The following SLC9A9 variants were observed in gnomAD, a reference collection of about 807,000 sequenced individuals.
SLC9A9 encodes sodium/hydrogen exchanger 9.
SLC9A9 carries 62 observed loss-of-function variants against 77.8 expected under a neutral mutation model. That is an observed-to-expected ratio of 0.80 (90% CI 0.65 to 0.98). SLC9A9 has a LOEUF of 0.98. Among genes scored for constraint, SLC9A9 ranks in the 50% least tolerant of loss-of-function variants. The probability of loss-of-function intolerance (pLI) is 0.00; values close to 1 mark genes in which losing one functional copy is unlikely to be tolerated. For missense variants in SLC9A9, 775 were observed against 774.9 expected, an observed-to-expected ratio of 1.00 and a Z score of 0.00; for synonymous variants, 320 against 283.5, an observed-to-expected ratio of 1.13 and a Z score of -1.29.
intron 1 of SLC9A9, among the ~76,000 whole-genome samples, chr3:143,842,007 G>A (rs140247000): frequency 0.01 from 1,564 of 152,202 alleles, 25 homozygotes; most frequent in African/African-American, 0.035. Context: ...CACTTGCCTC[G>A]GCCTCCCAAA....
intron 12 of SLC9A9, among the ~76,000 whole-genome samples, chr3:143,450,109 A>G (rs1481238383): frequency 1.6e-5 from 2 of 122,338 alleles, no homozygotes; most frequent in Admixed American, 1.0e-4. Flanking sequence ...TAATATACAT[A>G]TTATATTATA....
intron 9 of SLC9A9, among the ~76,000 whole-genome samples, chr3:143,522,636 A>G (rs977584158): frequency 4.6e-5 from 7 of 152,136 alleles, no homozygotes; most frequent in African/African-American, 9.6e-5. Flanking sequence ...CCCACCAAAT[A>G]TAAATAAACC....
chr3:143,817,633 T>C (rs928430128), intron 2 of SLC9A9, among the ~76,000 whole-genome samples: 4 of 152,222 alleles, frequency 2.6e-5, no homozygotes, highest in South Asian at 2.1e-4. Context: ...AGATGTGAGA[T>C]AGGGATCTAA....
chr3:143,573,772 CTCTCAATGAA>C (rs2037309378), intron 8 of SLC9A9, among the ~76,000 whole-genome samples: 9 of 152,184 alleles, frequency 5.9e-5, no homozygotes, highest in Middle Eastern at 3.2e-3. Context: ...TCCTTTCACA[CTCTCAATGAA>C]GACTTCCATT....
intron 5 of SLC9A9, among the ~76,000 whole-genome samples, chr3:143,664,622 G>A (rs1254778778): frequency 2.0e-5 from 3 of 152,150 alleles, no homozygotes; most frequent in Non-Finnish European, 2.9e-5. Context: ...TCAAAATAAA[G>A]GGATGGAGGA....
intron 14 of SLC9A9, among the ~76,000 whole-genome samples, chr3:143,352,750 A>G (rs1203093288): frequency 6.6e-6 from 1 of 152,244 alleles, no homozygotes; most frequent in African/African-American, 2.4e-5. Flanking sequence ...AATAGTTTTC[A>G]AAGTAGAATG....
At chr3:143,393,897 C>T (rs1325882232) in intron 12 of SLC9A9, among the ~76,000 whole-genome samples, 1 of 151,968 alleles carries the variant, frequency 6.6e-6, no homozygotes, top group Admixed American at 6.6e-5. Context: ...CAAGACTAAA[C>T]CAGGAAGAAG....
intron 7 of SLC9A9, among the ~76,000 whole-genome samples, chr3:143,575,501 A>T (rs1220247754): frequency 2.6e-5 from 4 of 152,174 alleles, no homozygotes; most frequent in Non-Finnish European, 5.9e-5. Flanking sequence ...TGTGGTCTAA[A>T]TTAATTTTTG....
rs562984106 is a variant in SLC9A9, at chr3:143,581,016, C to T, written c.756-2293G>A. Among the ~76,000 whole-genome samples, 8 of 152,308 alleles carry T rather than the reference C, an allele frequency of 5.3e-5. No homozygotes were observed. In the South Asian group the frequency reaches 6.2e-4, roughly 12 times the overall value. On this transcript the variant is annotated intron_variant, in intron 6 of 15. Coordinates refer to ENST00000316549, the MANE Select transcript of SLC9A9 (RefSeq NM_173653.4). Reference sequence around the variant, plus strand: ...CACCTGATATATGCAAAGCATAACTCGGCAGGGAAGCCTAAAATGTAAATG... The same window carrying T: ...CACCTGATATATGCAAAGCATAACTTGGCAGGGAAGCCTAAAATGTAAATG...
At chr3:143,692,141 C>T (rs1933490234) in intron 5 of SLC9A9, among the ~76,000 whole-genome samples, 1 of 151,884 alleles carries the variant, frequency 6.6e-6, no homozygotes, top group Non-Finnish European at 1.5e-5. Flanking sequence ...TTCGATTCAA[C>T]CACAAGACAA....
chr3:143,395,541 A>G (rs1021405394), intron 12 of SLC9A9, among the ~76,000 whole-genome samples: 7 of 152,244 alleles, frequency 4.6e-5, no homozygotes, highest in Non-Finnish European at 7.3e-5. Context: ...GGCATGGGCA[A>G]GGACTTCATG....
rs2034614099 is a variant in SLC9A9 at position 143,435,942 on chromosome 3, A to T, written c.1469+31095T>A. Among the ~76,000 whole-genome samples, 6 of 152,348 alleles carry T rather than the reference A, an allele frequency of 3.9e-5. No individual in the cohort carries two copies. In the South Asian group the frequency reaches 1.2e-3, roughly 32 times the overall value. The stretch of plus-strand genomic sequence containing the variant: ...TGCAGGGGCTGCCTGGGCCAGTGAC[A>T]GAACTAGGAGAAATCATGTAGAAAG... On this transcript the variant is annotated intron_variant, in intron 12 of 15. Transcript: ENST00000316549.
At chr3:143,543,002 T>A (rs1178602573) in intron 9 of SLC9A9, among the ~76,000 whole-genome samples, 2 of 152,216 alleles carry the variant, frequency 1.3e-5, no homozygotes, top group African/African-American at 4.8e-5. Flanking sequence ...GTCCTGGAAG[T>A]CACTTACCAT....
chr3:143,723,862 A>C (rs76439013), intron 4 of SLC9A9, among the ~76,000 whole-genome samples: 1 of 152,306 alleles, frequency 6.6e-6, no homozygotes, highest in Non-Finnish European at 1.5e-5. Context: ...TACCAACCAG[A>C]ATCTGCAGAT....
intron 5 of SLC9A9, among the ~76,000 whole-genome samples, chr3:143,662,582 C>G (rs2038995830): frequency 6.6e-6 from 1 of 152,078 alleles, no homozygotes; most frequent in Non-Finnish European, 1.5e-5. Flanking sequence ...TACCTGGAAA[C>G]TCAGGACACT....
intron 6 of SLC9A9, among the ~76,000 whole-genome samples, chr3:143,632,071 C>T (rs1418193799): frequency 3.3e-5 from 5 of 152,160 alleles, no homozygotes; most frequent in Non-Finnish European, 7.4e-5. Flanking sequence ...TGATTTATAT[C>T]TGTGACTGGA....
chr3:143,708,116 C>A (rs990999309), intron 4 of SLC9A9, among the ~76,000 whole-genome samples: 1 of 152,136 alleles, frequency 6.6e-6, no homozygotes, highest in Non-Finnish European at 1.5e-5. Flanking sequence ...GCATAAATCA[C>A]AATGTTGACA....
intron 1 of SLC9A9, among the ~76,000 whole-genome samples, chr3:143,841,035 A>G (rs1234407692): frequency 6.6e-6 from 1 of 152,222 alleles, no homozygotes; most frequent in African/African-American, 2.4e-5. Context: ...TAATTAAAAA[A>G]CAGCAATTAT....
At chr3:143,843,282 C>G (rs1448598109) in intron 1 of SLC9A9, among the ~76,000 whole-genome samples, 3 of 152,046 alleles carry the variant, frequency 2.0e-5, no homozygotes, top group Non-Finnish European at 4.4e-5. Context: ...GTCCAACAAC[C>G]CAATTTAATC....
Sources: allele counts gnomAD v4.1 joint callset (sites outside exome capture counted in the v4.1 genomes callset), GRCh38; gene constraint gnomAD v4.1.1; transcripts MANE v1.5; gene names NCBI Gene and HGNC (gene_info 2026-07-23, HGNC 2026-07-21).